Variants in ZNF462 observed in about 807,000 individuals in gnomAD.
ZNF462 encodes zinc finger protein 462.
Under a neutral mutation model 201.9 loss-of-function variants are expected in ZNF462, and 10 were observed. The observed-to-expected ratio is 0.05, with a 90% CI of 0.03 to 0.08. The LOEUF (loss-of-function observed/expected upper bound fraction) is 0.08, where lower values mean the gene tolerates loss of function less well. Among genes scored for constraint, ZNF462 ranks in the 10% least tolerant of loss-of-function variants. The probability of loss-of-function intolerance (pLI) is 1.00; values close to 1 mark genes in which losing one functional copy is unlikely to be tolerated. For synonymous variants in ZNF462, 1,227 were observed against 1,193.3 expected, an observed-to-expected ratio of 1.03 and a Z score of -0.58; for missense variants, 2,523 against 3,168.3, an observed-to-expected ratio of 0.80 and a Z score of 4.89.
intron 1 of ZNF462, among the ~76,000 whole-genome samples, chr9:106,921,855 T>C (rs963937842): frequency 2.6e-5 from 4 of 152,342 alleles, no homozygotes; most frequent in Non-Finnish European, 5.9e-5. Flanking sequence ...AAAGCTTGTG[T>C]ATCTGGAATA....
intron 7 of ZNF462, among the ~76,000 whole-genome samples, chr9:106,953,702 A>G (rs1202377457): frequency 1.3e-5 from 2 of 152,026 alleles, no homozygotes; most frequent in Admixed American, 6.6e-5. Context: ...GATGCCACCA[A>G]TACTTCCAGT....
intron 10 of ZNF462, among the ~76,000 whole-genome samples, chr9:106,998,380 A>G (rs1828904403): frequency 6.6e-6 from 1 of 152,160 alleles, no homozygotes; most frequent in Non-Finnish European, 1.5e-5. Flanking sequence ...CTATCCTAGT[A>G]CAATATGAAA....
At position 106,883,321 on chromosome 9, in the gene ZNF462, A is replaced by T. The variant is rs537142889; in HGVS notation, c.-31+19966A>T. Among the ~76,000 whole-genome samples the T allele has an allele frequency of 6.9e-4, 105 of 152,374 alleles. No individual in the cohort carries two copies. The highest frequency in any genetic ancestry group is 6.8e-3 in the Middle Eastern group (2 of 294). ...AATATAAAGTATGTGTTAAAGCAAG[A>T]CTAGGATAATAGCGGGAAAGTCAAA... On this transcript the variant is annotated intron_variant, in intron 1 of 12. Coordinates refer to ENST00000277225, the MANE Select transcript of ZNF462 (RefSeq NM_021224.6). The surrounding 1 kb of genome is among the most constrained non-coding windows in gnomAD (Gnocchi z 4.9).
intron 5 of ZNF462, among the ~76,000 whole-genome samples, chr9:106,934,218 C>T (rs1830536258): frequency 6.6e-6 from 1 of 150,730 alleles, no homozygotes. Flanking sequence ...AGTAATTTGC[C>T]CAAGGACACA....
intron 1 of ZNF462, among the ~76,000 whole-genome samples, chr9:106,898,720 T>G (rs1828920733): frequency 6.6e-6 from 1 of 152,054 alleles, no homozygotes; most frequent in Non-Finnish European, 1.5e-5. Context: ...AAGGGAGTTA[T>G]TTGGAGGAAG....
rs1431069308 is a variant in ZNF462, at chr9:106,872,836, A to G, written c.-31+9481A>G. On this transcript the variant is annotated intron_variant, in intron 1 of 12. Transcript: ENST00000277225. This position sits in a 1 kb window ranked among gnomAD's most constrained non-coding sequence, Gnocchi z 4.5. ...CTATAGAGTGGGAATACCACATAGGACCTTAAAAAATGCTGTCTTCCCTCG... is the reference window on the plus strand; with the variant it reads ...CTATAGAGTGGGAATACCACATAGGGCCTTAAAAAATGCTGTCTTCCCTCG... Among the ~76,000 whole-genome samples, 2 of 152,164 alleles carry G rather than the reference A, an allele frequency of 1.3e-5. No individual in the cohort carries two copies. Among genetic ancestry groups the G allele is most frequent in the Non-Finnish European group, 1.5e-5 (1 of 68,044 alleles).
rs542332495 is a variant in ZNF462 at position 106,955,000 on chromosome 9, A to G, written c.6427+15893A>G. 6.6e-6 allele frequency among the ~76,000 whole-genome samples: 1 copy of G among 152,154 alleles called. No homozygotes were observed. Among genetic ancestry groups the G allele is most frequent in the Non-Finnish European group, 1.5e-5 (1 of 68,028 alleles). On this transcript the variant is annotated intron_variant, in intron 7 of 12. Transcript: ENST00000277225. This position sits in a 1 kb window ranked among gnomAD's most constrained non-coding sequence, Gnocchi z 4.0. Reference sequence around the variant, plus strand: ...GTCATGGTAGTAAAGTAGTAAATCAAGATTTGAATGCTTTTCTGACTCCAG... The same window carrying G: ...GTCATGGTAGTAAAGTAGTAAATCAGGATTTGAATGCTTTTCTGACTCCAG...
chr9:106,928,257 A>G lies in ZNF462; in HGVS notation c.4345A>G (p.Arg1449Gly). The G allele has an allele frequency of 6.2e-7, 1 of 1,614,064 alleles. No individual in the cohort carries two copies. The highest frequency in any genetic ancestry group is 8.5e-7 in the Non-Finnish European group (1 of 1,179,998). Residue 1449 changes from arginine (R) to glycine (G), a missense_variant, in exon 3 of 13, where the codon AGA becomes GGA. This residue lies in a region of ZNF462 where 165 missense variants were observed against 142.6 expected (regional missense o/e 1.16). Transcript: ENST00000277225. The surrounding 1 kb of genome is among the most constrained non-coding windows in gnomAD (Gnocchi z 9.3). The part of the protein sequence containing the change: ...EQEAECPEDA[R>G]LSPEKSLQLA... ...GGAAGCTGAATGTCCAGAGGATGCA[A>G]GACTGTCCCCTGAGAAAAGCCTGCA...
intron 7 of ZNF462, among the ~76,000 whole-genome samples, chr9:106,961,785 A>G (rs990956953): frequency 6.6e-6 from 1 of 152,004 alleles, no homozygotes; most frequent in East Asian, 1.9e-4. Flanking sequence ...GGAATTTAAT[A>G]TGTGTATCTA....
chr9:106,943,986 C>T (rs989473508), intron 7 of ZNF462, among the ~76,000 whole-genome samples: 15 of 152,132 alleles, frequency 9.9e-5, no homozygotes, highest in Admixed American at 2.0e-4. Flanking sequence ...TGACAAAGAG[C>T]GTTTTAAATA....
rs1181009556 is a variant in ZNF462 at position 106,929,336 on chromosome 9, G to A, written c.5424G>A (p.Thr1808=). The change falls in exon 3 of 13, where the codon ACG becomes ACA. Residue 1808 remains threonine (T), a synonymous_variant. Coordinates refer to ENST00000277225, the MANE Select transcript of ZNF462 (RefSeq NM_021224.6). The surrounding 1 kb of genome is among the most constrained non-coding windows in gnomAD (Gnocchi z 8.7). ...CCAGCAAGTTGGGGGGCTACTTCACGGCCGTCTATGCAGATGAGCATGAGA... is the reference window on the plus strand; with the variant it reads ...CCAGCAAGTTGGGGGGCTACTTCACAGCCGTCTATGCAGATGAGCATGAGA... ...QHASKLGGYF[T]AVYADEHEKP... 2.5e-6 allele frequency: 4 copies of A among 1,614,024 alleles called. No individual in the cohort carries two copies. Among genetic ancestry groups the A allele is most frequent in the South Asian group, 1.1e-5 (1 of 91,082 alleles).
In ZNF462 at chr9:106,932,186, GAAA is replaced by G; in HGVS notation, c.6013-257_6013-255del. On this transcript the variant is annotated intron_variant, in intron 4 of 12. Transcript: ENST00000277225. This position sits in a 1 kb window ranked among gnomAD's most constrained non-coding sequence, Gnocchi z 6.8. ...TGTTGAGTTTGGGAGAATGTAGGGAGAAAAAGAAAGCTGGAGGCAATGATGATG... is the reference window on the plus strand; with the variant it reads ...TGTTGAGTTTGGGAGAATGTAGGGAGAAGAAAGCTGGAGGCAATGATGATG... The G allele has an allele frequency of 5.2e-6, 8 of 1,525,266 alleles. No homozygotes were observed. Among genetic ancestry groups the G allele is most frequent in the Non-Finnish European group, 7.0e-6 (8 of 1,139,010 alleles). The allele number at this position is 1,525,266 out of a possible 1,614,324, so 94.5% of individuals were successfully genotyped here.
rs140639082 is a variant in ZNF462 at position 107,009,592 on chromosome 9, C to T, written c.7237C>T (p.Arg2413Cys). 3.9e-5 allele frequency: 63 copies of T among 1,613,864 alleles called. No individual in the cohort carries two copies. Among genetic ancestry groups the T allele is most frequent in the Non-Finnish European group, 5.3e-5 (63 of 1,179,956 alleles). ...CGGGGCTGCTCTTAACACTGAGAAG[C>T]GTTTTCCATGTGAATTTTGTGGACG... is the stretch of plus-strand genomic sequence containing the variant. ...DHGAALNTEK[R>C]FPCEFCGRAF... The change falls in exon 12 of 13, where the codon CGT becomes TGT. Residue 2413 changes from arginine (R) to cysteine (C), a missense_variant. Around this residue, in one of 15 missense-constraint regions of ZNF462, gnomAD observed 228 missense variants for 361.2 expected, o/e 0.63. Coordinates refer to ENST00000277225, the MANE Select transcript of ZNF462 (RefSeq NM_021224.6). This position sits in a 1 kb window ranked among gnomAD's most constrained non-coding sequence, Gnocchi z 6.1.
At chr9:106,908,238 T>C (rs1588035680) in intron 1 of ZNF462, among the ~76,000 whole-genome samples, 1 of 152,272 alleles carries the variant, frequency 6.6e-6, no homozygotes, top group East Asian at 1.9e-4. Context: ...TTCTATGAAT[T>C]ACATGAATTT....
At chr9:106,863,034 C>A (rs1300556556), upstream of ZNF462, 7 of 386,650 alleles carry the variant, frequency 1.8e-5, no homozygotes, top group South Asian at 1.4e-4. Flanking sequence ...AGAGAGAGAG[C>A]GCGCGAGGGA....
At position 106,923,246 on chromosome 9, in the gene ZNF462, A is replaced by G; in HGVS notation, c.-30-108A>G. 1.3e-6 allele frequency: 1 copy of G among 769,606 alleles called. No individual in the cohort carries two copies. Among genetic ancestry groups the G allele is most frequent in the East Asian group, 2.6e-5 (1 of 37,882 alleles). 47.7% of individuals were successfully genotyped at this position (769,606 alleles called of 1,614,324 possible). ...CAACTGGCAAAGTCCAATAAGAGAA[A>G]TCTACTGATACTGGAATTTTTTCCC... is the stretch of plus-strand genomic sequence containing the variant. On this transcript the variant is annotated intron_variant, in intron 1 of 12. Transcript: ENST00000277225. The surrounding 1 kb of genome is among the most constrained non-coding windows in gnomAD (Gnocchi z 5.6).
At position 106,872,658 on chromosome 9, in the gene ZNF462, C is replaced by T. The variant is rs900618390; in HGVS notation, c.-31+9303C>T. Among the ~76,000 whole-genome samples the T allele has an allele frequency of 5.3e-5, 8 of 152,180 alleles. No individual in the cohort carries two copies. The highest frequency in any genetic ancestry group is 7.3e-5 in the Non-Finnish European group (5 of 68,034). On this transcript the variant is annotated intron_variant, in intron 1 of 12. Coordinates refer to ENST00000277225, the MANE Select transcript of ZNF462 (RefSeq NM_021224.6). The surrounding 1 kb of genome is among the most constrained non-coding windows in gnomAD (Gnocchi z 4.5). ...GACTACAGGCATGAGCCACCATGCC[C>T]GGCCTCAGAAAAGACCATTTTAATT...
chr9:106,966,012 A>G lies in ZNF462; in HGVS notation c.6428-5993A>G, dbSNP rs144571216. On this transcript the variant is annotated intron_variant, in intron 7 of 12. Transcript: ENST00000277225. The surrounding 1 kb of genome is among the most constrained non-coding windows in gnomAD (Gnocchi z 4.4). Reference sequence around the variant, plus strand: ...TTCTTCACTAGAAATAATGGTCTATACGTCTAGCTTATTTGGGTTCTCCCT... The same window carrying G: ...TTCTTCACTAGAAATAATGGTCTATGCGTCTAGCTTATTTGGGTTCTCCCT... Among the ~76,000 whole-genome samples the G allele has an allele frequency of 6.6e-6, 1 of 152,148 alleles. No homozygotes were observed. The highest frequency in any genetic ancestry group is 1.9e-4 in the East Asian group (1 of 5,170).
intron 1 of ZNF462, among the ~76,000 whole-genome samples, chr9:106,869,872 GAAT>G (rs1827511752): frequency 6.6e-6 from 1 of 152,106 alleles, no homozygotes; most frequent in South Asian, 2.1e-4. Flanking sequence ...GGGTTTTTAT[GAAT>G]TTAGATTGTA....
Sources: allele counts gnomAD v4.1 joint callset (sites outside exome capture counted in the v4.1 genomes callset), GRCh38; gene constraint gnomAD v4.1.1; regional missense constraint gnomAD v4.1.1; non-coding constraint Gnocchi (gnomAD v3.1); transcripts MANE v1.5; gene names NCBI Gene and HGNC (gene_info 2026-07-23, HGNC 2026-07-21).